The following CDKAL1 variants were observed in gnomAD, a reference collection of about 807,000 sequenced individuals.
The protein encoded by CDKAL1 is CDKAL1 threonylcarbamoyladenosine tRNA methylthiotransferase, also known as threonylcarbamoyladenosine tRNA methylthiotransferase.
A neutral mutation model predicts 68.2 loss-of-function variants in CDKAL1; 32 were observed. The ratio of observed to expected loss-of-function variants is 0.47; its 90% CI spans 0.35 to 0.63. The LOEUF (loss-of-function observed/expected upper bound fraction) is 0.63, where lower values mean the gene tolerates loss of function less well. Among genes scored for constraint, CDKAL1 ranks in the 30% least tolerant of loss-of-function variants. CDKAL1 has a pLI of 0.00. For synonymous variants in CDKAL1, 234 were observed against 244.3 expected, an observed-to-expected ratio of 0.96 and a Z score of 0.39; for missense variants, 606 against 696.7, an observed-to-expected ratio of 0.87 and a Z score of 1.47.
Position 21,052,537 on chromosome 6 carries a change from G to GTTT in CDKAL1, c.1056-12497_1056-12495dup, listed in dbSNP as rs66607398. Among the ~76,000 whole-genome samples, 15 of 128,400 alleles carry GTTT rather than the reference G, an allele frequency of 1.2e-4. 1 individual carries two copies. The highest frequency in any genetic ancestry group is 1.6e-4 in the Admixed American group (2 of 12,384). The allele number at this position is 128,400 out of a possible 152,430, so 84.2% of individuals were successfully genotyped here. ...CTAATTTAAATTTTTTTAATTGGTT[G>GTTT]TTTTTTTTTTTTTTTTGTAAAGACA... On this transcript the variant is annotated intron_variant, in intron 11 of 15. Coordinates refer to ENST00000274695, the MANE Select transcript of CDKAL1 (RefSeq NM_017774.3).
intron 15 of CDKAL1, among the ~76,000 whole-genome samples, chr6:21,209,179 G>C (rs1481304712): frequency 6.6e-6 from 1 of 152,192 alleles, no homozygotes; most frequent in African/African-American, 2.4e-5. Context: ...AGGGCAGCTA[G>C]AACACGATGA....
At chr6:21,081,358 T>G (rs1039149560) in intron 12 of CDKAL1, among the ~76,000 whole-genome samples, 3 of 152,116 alleles carry the variant, frequency 2.0e-5, no homozygotes, top group African/African-American at 7.2e-5. Context: ...AGTCTAACTT[T>G]TTCTCCAGTG....
intron 8 of CDKAL1, among the ~76,000 whole-genome samples, chr6:20,794,008 T>G (rs1376250083): frequency 6.6e-6 from 1 of 151,678 alleles, no homozygotes; most frequent in Non-Finnish European, 1.5e-5. Context: ...TGCTTATACA[T>G]ATATATCTTA....
rs183097417 is a variant in CDKAL1, at chr6:20,747,527, A to G, written c.468+7912A>G. On this transcript the variant is annotated intron_variant, in intron 6 of 15. Transcript: ENST00000274695. ...TTGTCTCTTTGGCATGGCCATCCTC[A>G]GTGAGGTGATAGCTCATGGTGGTTT... Among the ~76,000 whole-genome samples the G allele has an allele frequency of 2.0e-5, 3 of 152,222 alleles. No homozygotes were observed. In the East Asian group the frequency reaches 5.8e-4, roughly 29 times the overall value.
chr6:21,076,812 C>G lies in CDKAL1; in HGVS notation c.1236+11584C>G, dbSNP rs531066203. On this transcript the variant is annotated intron_variant, in intron 12 of 15. Coordinates refer to ENST00000274695, the MANE Select transcript of CDKAL1 (RefSeq NM_017774.3). ...GCAACTTAATTGTACTTGATCCCTT[C>G]CAGTTGATCTTTTGAAGTCCTTTCT... Among the ~76,000 whole-genome samples the G allele has an allele frequency of 1.4e-4, 21 of 152,254 alleles. No individual in the cohort carries two copies. In the East Asian group the frequency reaches 4.0e-3, roughly 29 times the overall value.
At chr6:20,662,734 G>C (rs1158623988) in intron 5 of CDKAL1, among the ~76,000 whole-genome samples, 1 of 152,054 alleles carries the variant, frequency 6.6e-6, no homozygotes, top group African/African-American at 2.4e-5. Flanking sequence ...TGTTTCCTTT[G>C]CATGTTTATC....
At chr6:20,863,554 G>A (rs1175373669) in intron 9 of CDKAL1, among the ~76,000 whole-genome samples, 2 of 152,210 alleles carry the variant, frequency 1.3e-5, no homozygotes. Context: ...CTAATTGGAA[G>A]CAGCGAACAT....
chr6:20,642,920 C>T (rs1768255865), intron 4 of CDKAL1, among the ~76,000 whole-genome samples: 1 of 150,528 alleles, frequency 6.6e-6, no homozygotes, highest in Non-Finnish European at 1.5e-5. Flanking sequence ...ACAACAACAA[C>T]AACAACAACA....
chr6:21,215,489 C>A (rs1404073241), intron 15 of CDKAL1, among the ~76,000 whole-genome samples: 1 of 152,112 alleles, frequency 6.6e-6, no homozygotes, highest in Non-Finnish European at 1.5e-5. Flanking sequence ...CTGTGATCTG[C>A]GCAACTTTCC....
At chr6:21,108,511 AT>A in intron 13 of CDKAL1, 48 bp downstream of exon 13, 1 of 1,212,196 alleles carries the variant, frequency 8.2e-7, no homozygotes, top group Non-Finnish European at 1.2e-6. Context: ...GTCTTTCCGA[AT>A]GTATAGTACA....
intron 4 of CDKAL1, among the ~76,000 whole-genome samples, chr6:20,626,621 G>C (rs1248549179): frequency 6.6e-6 from 1 of 152,078 alleles, no homozygotes; most frequent in Non-Finnish European, 1.5e-5. Context: ...CCAATCGATA[G>C]TGACTTAAAC....
At chr6:21,225,057 A>T (rs150822526) in intron 15 of CDKAL1, among the ~76,000 whole-genome samples, 1 of 152,078 alleles carries the variant, frequency 6.6e-6, no homozygotes, top group African/African-American at 2.4e-5. Context: ...CTGGGCATCT[A>T]TTGGAGAGAA....
At chr6:20,744,112 A>T (rs1034676172) in intron 6 of CDKAL1, among the ~76,000 whole-genome samples, 1 of 152,170 alleles carries the variant, frequency 6.6e-6, no homozygotes, top group Non-Finnish European at 1.5e-5. Flanking sequence ...TAGAGTTTTC[A>T]TGCAATGCCA....
intron 13 of CDKAL1, among the ~76,000 whole-genome samples, chr6:21,151,696 T>G (rs542640056): frequency 3.7e-4 from 56 of 152,322 alleles, no homozygotes; most frequent in African/African-American, 1.3e-3. Flanking sequence ...TCCCCCTTTT[T>G]TGGCATATAT....
intron 5 of CDKAL1, among the ~76,000 whole-genome samples, chr6:20,703,334 G>C (rs1197357220): frequency 1.3e-5 from 2 of 152,086 alleles, no homozygotes; most frequent in Non-Finnish European, 2.9e-5. Context: ...GTGTAGAGTT[G>C]AGTAGTTACG....
At chr6:20,753,953 C>CTGTGTGTGTGTG (rs1256988409) in intron 6 of CDKAL1, among the ~76,000 whole-genome samples, 89 of 113,852 alleles carry the variant, frequency 7.8e-4, no homozygotes, top group East Asian at 4.2e-3. Flanking sequence ...TCGTTATTAT[C>CTGTGTGTGTGTG]TGTATGTGTG....
chr6:21,156,946 T>C (rs1449489136), intron 13 of CDKAL1, among the ~76,000 whole-genome samples: 1 of 152,166 alleles, frequency 6.6e-6, no homozygotes, highest in Admixed American at 6.5e-5. Flanking sequence ...CCTAGGCTGG[T>C]TTTTCAGCAT....
At chr6:21,205,830 C>CTTT (rs34849597) in intron 15 of CDKAL1, among the ~76,000 whole-genome samples, 752 of 66,596 alleles carry the variant, frequency 0.011, 111 homozygotes, top group African/African-American at 0.039. Flanking sequence ...CGCGCCCAGC[C>CTTT]TTTTTTTTTT....
chr6:21,122,604 C>G (rs531045836), intron 13 of CDKAL1, among the ~76,000 whole-genome samples: 1 of 149,334 alleles, frequency 6.7e-6, no homozygotes, highest in African/African-American at 2.5e-5. Context: ...GGATGTAATA[C>G]TGATTTGTTA....
Sources: gnomAD v4.1 joint callset for allele counts (sites outside exome capture counted in the v4.1 genomes callset) on GRCh38, gnomAD v4.1.1 for gene constraint, MANE v1.5 for transcripts, NCBI Gene and HGNC (gene_info 2026-07-23, HGNC 2026-07-21) for gene names.